Variants in SYT14 observed in about 807,000 individuals in gnomAD.
The protein encoded by SYT14 is synaptotagmin-14.
A neutral mutation model predicts 74.2 loss-of-function variants in SYT14; 32 were observed. That is an observed-to-expected ratio of 0.43 (90% CI 0.33 to 0.58). The LOEUF is 0.58. SYT14 is among the 20% of genes least tolerant of loss of function. The pLI, the probability that SYT14 is intolerant of heterozygous loss-of-function variation, is 0.05. For missense variants in SYT14, 791 were observed against 981.8 expected, an observed-to-expected ratio of 0.81 and a Z score of 2.60; for synonymous variants, 298 against 337.7, an observed-to-expected ratio of 0.88 and a Z score of 1.29.
intron 1 of SYT14, among the ~76,000 whole-genome samples, chr1:209,939,615 C>A (rs2078697512): frequency 6.6e-6 from 1 of 152,208 alleles, no homozygotes; most frequent in African/African-American, 2.4e-5. Context: ...TTGTTTCCCT[C>A]ACTGTCCTTT....
At chr1:210,149,257 T>G (rs768476558) in intron 7 of SYT14, among the ~76,000 whole-genome samples, 51 of 147,530 alleles carry the variant, frequency 3.5e-4, no homozygotes, top group Non-Finnish European at 6.1e-4. Context: ...TGATGTCGGC[T>G]CACTGCAACC....
At chr1:210,015,894 C>T in exon 4 of SYT14, 1 of 1,227,342 alleles carries the variant, frequency 8.1e-7, no homozygotes, top group Non-Finnish European at 1.0e-6. Flanking sequence ...TAATATTGAG[C>T]TGACGAATAG....
In SYT14 at chr1:210,115,974, A is replaced by G. The variant is rs575694132; in HGVS notation, c.2034+15513A>G. 2.8e-4 allele frequency among the ~76,000 whole-genome samples: 42 copies of G among 151,116 alleles called. 1 individual carries two copies. In the South Asian group the frequency reaches 8.5e-3, roughly 31 times the overall value. On this transcript the variant is annotated intron_variant, in intron 7 of 9. Transcript: ENST00000637265. ...AAGAGAGGTAGGGGTGGGCCGTTTTATAGGATTTGGGTGGGTAGTGGAAAA... is the reference window on the plus strand; with the variant it reads ...AAGAGAGGTAGGGGTGGGCCGTTTTGTAGGATTTGGGTGGGTAGTGGAAAA...
chr1:209,991,723 G>A (rs1479605580), intron 2 of SYT14, among the ~76,000 whole-genome samples: 3 of 152,030 alleles, frequency 2.0e-5, no homozygotes, highest in South Asian at 2.1e-4. Flanking sequence ...CCAGCTACTC[G>A]GGAGGCTAAG....
intron 7 of SYT14, among the ~76,000 whole-genome samples, chr1:210,121,622 G>A (rs1435978416): frequency 2.0e-5 from 3 of 151,922 alleles, no homozygotes; most frequent in African/African-American, 7.3e-5. Flanking sequence ...GTGAAACTCT[G>A]TCTCTACTAA....
chr1:209,956,606 G>A (rs550077565), intron 2 of SYT14, among the ~76,000 whole-genome samples: 3 of 152,134 alleles, frequency 2.0e-5, no homozygotes, highest in African/African-American at 7.2e-5. Flanking sequence ...CTTCAAAACA[G>A]GCTAGGAAGT....
chr1:210,062,181 G>A (rs1196843650), intron 5 of SYT14, among the ~76,000 whole-genome samples: 2 of 151,790 alleles, frequency 1.3e-5, no homozygotes, highest in Non-Finnish European at 2.9e-5. Flanking sequence ...TAGCCTGCTG[G>A]ATGGATAATG....
At chr1:209,959,879 C>T (rs1274757850) in intron 2 of SYT14, among the ~76,000 whole-genome samples, 1 of 152,046 alleles carries the variant, frequency 6.6e-6, no homozygotes, top group Non-Finnish European at 1.5e-5. Context: ...TATTACAGAA[C>T]ACTGAATTAT....
intron 5 of SYT14, among the ~76,000 whole-genome samples, chr1:210,027,456 T>A (rs2080438554): frequency 6.6e-6 from 1 of 151,688 alleles, no homozygotes; most frequent in Non-Finnish European, 1.5e-5. Flanking sequence ...ATAAATTTAC[T>A]GTTCATTAAG....
At chr1:209,966,245 T>C (rs2079156415) in intron 2 of SYT14, among the ~76,000 whole-genome samples, 1 of 152,218 alleles carries the variant, frequency 6.6e-6, no homozygotes, top group Non-Finnish European at 1.5e-5. Flanking sequence ...TTTATTACTA[T>C]AGCTTTATAA....
chr1:209,956,721 T>A (rs569899137), intron 2 of SYT14, among the ~76,000 whole-genome samples: 3 of 152,142 alleles, frequency 2.0e-5, no homozygotes, highest in East Asian at 3.9e-4. Flanking sequence ...TCTTACATGC[T>A]CTATATATGC....
At chr1:210,156,829 A>C (rs1236682372) in intron 8 of SYT14, 1 of 317,552 alleles carries the variant, frequency 3.1e-6, no homozygotes, top group South Asian at 2.6e-5. Context: ...AGTAGCTGGG[A>C]CTACAGGCAC....
chr1:210,065,938 C>T (rs1224870277), intron 5 of SYT14, among the ~76,000 whole-genome samples: 1 of 150,832 alleles, frequency 6.6e-6, no homozygotes, highest in Non-Finnish European at 1.5e-5. Flanking sequence ...CATGTGTTCT[C>T]ATTGTTCAAT....
At chr1:210,130,845 A>T in intron 7 of SYT14, among the ~76,000 whole-genome samples, 1 of 152,220 alleles carries the variant, frequency 6.6e-6, no homozygotes, top group African/African-American at 2.4e-5. Flanking sequence ...ATTCACGATG[A>T]AGTTGGTCTC....
At chr1:210,108,640 G>A (rs915600488) in intron 7 of SYT14, among the ~76,000 whole-genome samples, 5 of 151,792 alleles carry the variant, frequency 3.3e-5, no homozygotes, top group Admixed American at 6.6e-5. Context: ...AAAAAAAAAA[G>A]GACAAATAAC....
intron 1 of SYT14, among the ~76,000 whole-genome samples, chr1:209,948,714 G>A (rs955710287): frequency 6.6e-6 from 1 of 151,710 alleles, no homozygotes; most frequent in African/African-American, 2.4e-5. Context: ...ATTAACTAGT[G>A]ACCTTGAGCA....
intron 2 of SYT14, among the ~76,000 whole-genome samples, chr1:209,960,931 C>T (rs1419918416): frequency 6.6e-6 from 1 of 152,104 alleles, no homozygotes; most frequent in African/African-American, 2.4e-5. Context: ...ATTACTGTTA[C>T]TAAAGCTAGG....
intron 2 of SYT14, among the ~76,000 whole-genome samples, chr1:209,970,065 T>C (rs2079222478): frequency 6.6e-6 from 1 of 152,200 alleles, no homozygotes; most frequent in Non-Finnish European, 1.5e-5. Context: ...AGCTTTTTAG[T>C]TGATGTAGTC....
chr1:210,109,576 C>CAAA (rs11392476), intron 7 of SYT14, among the ~76,000 whole-genome samples: 43 of 130,420 alleles, frequency 3.3e-4, no homozygotes, highest in Non-Finnish European at 4.2e-4. Flanking sequence ...GACTCTGTCT[C>CAAA]AAAAAAAAAA....
Sources: gnomAD v4.1 joint callset for allele counts (sites outside exome capture counted in the v4.1 genomes callset) on GRCh38, gnomAD v4.1.1 for gene constraint, MANE v1.5 for transcripts, NCBI Gene and HGNC (gene_info 2026-07-23, HGNC 2026-07-21) for gene names.